Variants in NAV2 observed in about 807,000 individuals in gnomAD.
The protein encoded by NAV2 is neuron navigator 2.
In NAV2, 54 loss-of-function variants were observed where a neutral mutation model predicts 223.2. The ratio of observed to expected loss-of-function variants is 0.24; its 90% CI spans 0.19 to 0.30. The LOEUF (loss-of-function observed/expected upper bound fraction) is 0.30. Ranked by LOEUF, NAV2 falls within the 10% of genes least tolerant of loss-of-function variation. The pLI is 1.00. For synonymous variants in NAV2, 1,279 were observed against 1,239.3 expected (o/e 1.03, Z -0.67); for missense variants, 2,806 against 3,147.5 (o/e 0.89, Z 2.60).
chr11:20,070,823 G>C (rs1247344530), intron 22 of NAV2, among the ~76,000 whole-genome samples: 2 of 152,094 alleles, frequency 1.3e-5, no homozygotes, highest in African/African-American at 4.8e-5. Context: ...TCATAGTTGT[G>C]CTAATGACAC....
chr11:20,029,801 T>G (rs146523465), intron 11 of NAV2, among the ~76,000 whole-genome samples: 1 of 152,358 alleles, frequency 6.6e-6, no homozygotes, highest in East Asian at 1.9e-4. Flanking sequence ...TATGTGAAGG[T>G]TATTTTAAAA....
intron 29 of NAV2, 79 bp downstream of exon 29, chr11:20,093,278 C>G (rs2060988230): frequency 1.1e-6 from 1 of 919,782 alleles, no homozygotes; most frequent in East Asian, 2.4e-5. Flanking sequence ...AATTGTAAAA[C>G]CTCTATCACC....
At chr11:19,570,950 G>GA (rs1260255852) in intron 1 of NAV2, among the ~76,000 whole-genome samples, 1 of 152,136 alleles carries the variant, frequency 6.6e-6, no homozygotes, top group East Asian at 1.9e-4. Context: ...CACCAAAAAA[G>GA]AATTGAGAAC....
intron 1 of NAV2, among the ~76,000 whole-genome samples, chr11:19,358,609 A>G (rs1564874229): frequency 6.6e-6 from 1 of 152,198 alleles, no homozygotes; most frequent in Non-Finnish European, 1.5e-5. Context: ...ACAAACAGCA[A>G]GATCCTATGT....
chr11:19,382,722 A>G (rs1848891420), intron 1 of NAV2, among the ~76,000 whole-genome samples: 1 of 152,172 alleles, frequency 6.6e-6, no homozygotes, highest in African/African-American at 2.4e-5. Context: ...GGTAGAACCC[A>G]TTTCATCCAT....
intron 1 of NAV2, among the ~76,000 whole-genome samples, chr11:19,567,382 A>G (rs1257286719): frequency 6.6e-6 from 1 of 152,182 alleles, no homozygotes; most frequent in African/African-American, 2.4e-5. Flanking sequence ...TTTCCATGCA[A>G]TGTTTTGGAC....
chr11:19,365,330 C>A (rs1159725345), intron 1 of NAV2, among the ~76,000 whole-genome samples: 1 of 152,236 alleles, frequency 6.6e-6, no homozygotes, highest in Non-Finnish European at 1.5e-5. Context: ...CCTTTCAGCT[C>A]TCTCCCTGTT....
intron 1 of NAV2, among the ~76,000 whole-genome samples, chr11:19,738,197 A>C (rs1264150998): frequency 6.6e-6 from 1 of 152,240 alleles, no homozygotes; most frequent in East Asian, 1.9e-4. Flanking sequence ...TCTGCTCTGC[A>C]GAGAGTTCCC....
At chr11:19,427,041 T>C (rs1850859281) in intron 1 of NAV2, among the ~76,000 whole-genome samples, 1 of 148,878 alleles carries the variant, frequency 6.7e-6, no homozygotes, top group Non-Finnish European at 1.5e-5. Flanking sequence ...CTGAGACTTC[T>C]TAGCAGCTGA....
chr11:19,397,449 T>C (rs544129989), intron 1 of NAV2, among the ~76,000 whole-genome samples: 2 of 113,196 alleles, frequency 1.8e-5, no homozygotes, highest in African/African-American at 6.3e-5. Context: ...AATACTGTTC[T>C]TGTGTCTGCC....
chr11:19,650,378 GGAA>G (rs1456334851), intron 1 of NAV2, among the ~76,000 whole-genome samples: 1 of 152,172 alleles, frequency 6.6e-6, no homozygotes, highest in African/African-American at 2.4e-5. Flanking sequence ...GAAGAGACAA[GGAA>G]GAAACCTCCC....
intron 17 of NAV2, among the ~76,000 whole-genome samples, chr11:20,053,784 A>G (rs2058180734): frequency 6.6e-6 from 1 of 152,230 alleles, no homozygotes; most frequent in Non-Finnish European, 1.5e-5. Context: ...TGACACTGTC[A>G]TGAAGCAACA....
intron 1 of NAV2, among the ~76,000 whole-genome samples, chr11:19,748,177 C>G (rs1214602347): frequency 6.6e-6 from 1 of 152,154 alleles, no homozygotes; most frequent in African/African-American, 2.4e-5. Context: ...GTCAATTCTC[C>G]CAGCTTGTTC....
At chr11:19,636,559 C>T (rs1042979973) in intron 1 of NAV2, among the ~76,000 whole-genome samples, 4 of 149,456 alleles carry the variant, frequency 2.7e-5, no homozygotes, top group East Asian at 2.0e-4. Flanking sequence ...GGCGTGATCT[C>T]GGCTCACTGC....
chr11:20,104,224 C>T, intron 34 of NAV2: 1 of 171,794 alleles, frequency 5.8e-6, no homozygotes, highest in South Asian at 1.5e-4. Flanking sequence ...GCTGCCATAG[C>T]ACCACGCTGG....
intron 1 of NAV2, among the ~76,000 whole-genome samples, chr11:19,699,627 A>G (rs918247394): frequency 6.6e-6 from 1 of 152,342 alleles, no homozygotes; most frequent in Non-Finnish European, 1.5e-5. Flanking sequence ...CTTTTATCCC[A>G]TATGTGATAC....
chr11:19,726,567 T>G (rs2051275379), intron 1 of NAV2, among the ~76,000 whole-genome samples: 1 of 152,248 alleles, frequency 6.6e-6, no homozygotes, highest in Non-Finnish European at 1.5e-5. Flanking sequence ...AGTTTAGAAC[T>G]GACTGTGAGC....
At chr11:19,823,389 G>A (rs1355605734) in intron 1 of NAV2, among the ~76,000 whole-genome samples, 4 of 152,090 alleles carry the variant, frequency 2.6e-5, no homozygotes, top group Admixed American at 2.6e-4. Context: ...TGTATTTTTA[G>A]TAGAGAAGGG....
chr11:19,694,609 C>A (rs2049274130), intron 1 of NAV2, among the ~76,000 whole-genome samples: 2 of 152,214 alleles, frequency 1.3e-5, no homozygotes, highest in South Asian at 4.1e-4. Flanking sequence ...ACTCTATTAT[C>A]CTGAACTGGC....
Sources: allele counts gnomAD v4.1 joint callset (sites outside exome capture counted in the v4.1 genomes callset), GRCh38; gene constraint gnomAD v4.1.1; transcripts MANE v1.5; gene names NCBI Gene and HGNC (gene_info 2026-07-23, HGNC 2026-07-21).